Variants in PHLPP1 observed in about 807,000 individuals in gnomAD.
PHLPP1 encodes PH domain and leucine rich repeat protein phosphatase 1, also known as PH domain leucine-rich repeat-containing protein phosphatase 1.
Under a neutral mutation model 117.2 loss-of-function variants are expected in PHLPP1, and 42 were observed. The observed-to-expected ratio is 0.36, with a 90% CI of 0.28 to 0.46. PHLPP1 has a LOEUF of 0.46. PHLPP1 is among the 20% of genes least tolerant of loss of function. PHLPP1 has a pLI of 1.00. For synonymous variants in PHLPP1, 1,042 were observed against 970.7 expected (o/e 1.07, Z -1.37); for missense variants, 2,084 against 2,241.9 (o/e 0.93, Z 1.42).
chr18:62,973,859 G>A (rs1911120037), intron 15 of PHLPP1, among the ~76,000 whole-genome samples: 2 of 152,216 alleles, frequency 1.3e-5, no homozygotes, highest in Admixed American at 1.3e-4. Context: ...GATGTACAGT[G>A]AGGTGAAGCA....
At chr18:62,955,180 G>A (rs1910577205) in intron 12 of PHLPP1, among the ~76,000 whole-genome samples, 1 of 152,232 alleles carries the variant, frequency 6.6e-6, no homozygotes, top group South Asian at 2.1e-4. Context: ...AGAGAAGCAT[G>A]TGTTAAGGCA....
At chr18:62,722,222 TC>T (rs1910941644) in intron 1 of PHLPP1, among the ~76,000 whole-genome samples, 1 of 152,224 alleles carries the variant, frequency 6.6e-6, no homozygotes. Flanking sequence ...AACAGGTTTC[TC>T]CCAACTTTTC....
intron 4 of PHLPP1, among the ~76,000 whole-genome samples, chr18:62,888,341 T>G (rs1916335484): frequency 2.7e-5 from 4 of 149,346 alleles, no homozygotes; most frequent in East Asian, 2.0e-4. Flanking sequence ...GTGTATGTTT[T>G]TTTTTTCTTT....
chr18:62,770,805 A>G (rs1008635212), intron 1 of PHLPP1, among the ~76,000 whole-genome samples: 20 of 152,310 alleles, frequency 1.3e-4, no homozygotes, highest in African/African-American at 4.1e-4. Context: ...CCAAGTCTGA[A>G]CACAAAGTTC....
chr18:62,855,301 C>A (rs996088231), intron 3 of PHLPP1, among the ~76,000 whole-genome samples: 4 of 152,074 alleles, frequency 2.6e-5, no homozygotes, highest in African/African-American at 9.7e-5. Flanking sequence ...TTATTTCAGG[C>A]AGGATCTCAG....
chr18:62,744,389 C>T (rs143815036), intron 1 of PHLPP1, among the ~76,000 whole-genome samples: 151 of 152,342 alleles, frequency 9.9e-4, no homozygotes, highest in African/African-American at 3.4e-3. Flanking sequence ...CTCATGTTTT[C>T]TCCAAGCTGG....
chr18:62,794,503 G>A (rs1342731309), intron 1 of PHLPP1, among the ~76,000 whole-genome samples: 1 of 151,830 alleles, frequency 6.6e-6, no homozygotes, highest in African/African-American at 2.4e-5. Context: ...AAGTAGATGG[G>A]ACTACAGCTG....
chr18:62,799,707 G>C (rs2144298483), intron 1 of PHLPP1, among the ~76,000 whole-genome samples: 1 of 152,238 alleles, frequency 6.6e-6, no homozygotes, highest in Admixed American at 6.5e-5. Flanking sequence ...TACAGTGTGT[G>C]TTCTACAGCA....
At chr18:62,817,980 G>A (rs1599063148) in intron 1 of PHLPP1, among the ~76,000 whole-genome samples, 1 of 150,030 alleles carries the variant, frequency 6.7e-6, no homozygotes, top group African/African-American at 2.5e-5. Context: ...TCAGCCTCCC[G>A]AGTAGCTGGG....
chr18:62,855,326 G>C (rs745324559), intron 3 of PHLPP1, among the ~76,000 whole-genome samples: 2 of 152,184 alleles, frequency 1.3e-5, no homozygotes, highest in Non-Finnish European at 2.9e-5. Flanking sequence ...AATAGCTGCT[G>C]TGTAGGTGGG....
chr18:62,760,660 C>T (rs1912193526), intron 1 of PHLPP1, among the ~76,000 whole-genome samples: 1 of 152,160 alleles, frequency 6.6e-6, no homozygotes, highest in Admixed American at 6.5e-5. Flanking sequence ...CTTTAGTTTT[C>T]TTCCTCCACG....
chr18:62,716,499 G>A lies in PHLPP1; in HGVS notation c.816G>A (p.Ala272=). The change falls in exon 1 of 17, where the codon GCG becomes GCA. Residue 272 remains alanine (A), a synonymous_variant. Coordinates refer to ENST00000262719, the MANE Select transcript of PHLPP1 (RefSeq NM_194449.4). The surrounding 1 kb of genome is among the most constrained non-coding windows in gnomAD (Gnocchi z 5.7). The part of the protein sequence containing the change: ...EPPPEAGPRL[A]PPEPRDSEVP... ...CCCCCGAGGCCGGCCCCCGGCTGGC[G>A]CCCCCGGAGCCGCGGGACTCGGAGG... The A allele has an allele frequency of 8.3e-7, 1 of 1,203,646 alleles. No individual in the cohort carries two copies. Among genetic ancestry groups the A allele is most frequent in the Non-Finnish European group, 1.0e-6 (1 of 971,758 alleles). The allele number at this position is 1,203,646 out of a possible 1,614,324, so 74.6% of individuals were successfully genotyped here. A position where few individuals can be genotyped will look rare whatever the true frequency, so the allele number is the denominator to read the frequency against.
rs370462512 is a variant in PHLPP1 at position 62,941,768 on chromosome 18, C to A, written c.3011C>A (p.Ala1004Asp). ...SANKLESLPP[A>D]TLSEETNSIL... ...AACAAACTGGAAAGCCTTCCTCCAG[C>A]CACGCTTTCCGAAGAGACAAACAGT... The change falls in exon 11 of 17, where the codon GCC (alanine) becomes GAC (aspartate). Residue 1004 changes from alanine to aspartate, a missense_variant. Coordinates refer to ENST00000262719, the MANE Select transcript of PHLPP1 (RefSeq NM_194449.4). 2 of 1,613,806 alleles carry A rather than the reference C, an allele frequency of 1.2e-6. No homozygotes were observed. Among genetic ancestry groups the A allele is most frequent in the Non-Finnish European group, 8.5e-7 (1 of 1,179,722 alleles).
intron 10 of PHLPP1, among the ~76,000 whole-genome samples, chr18:62,934,333 G>C (rs908672498): frequency 6.6e-6 from 1 of 152,018 alleles, no homozygotes; most frequent in Non-Finnish European, 1.5e-5. Context: ...TGTACCCGTC[G>C]GTGGTGAATT....
At chr18:62,896,292 C>CT (rs1200268305) in intron 6 of PHLPP1, among the ~76,000 whole-genome samples, 2 of 98,760 alleles carry the variant, frequency 2.0e-5, no homozygotes, top group African/African-American at 6.9e-5. Context: ...TTTTGTTGTT[C>CT]TTGTTTTTTT....
chr18:62,904,625 A>T (rs1345057507), intron 7 of PHLPP1, among the ~76,000 whole-genome samples: 1 of 152,236 alleles, frequency 6.6e-6, no homozygotes, highest in Non-Finnish European at 1.5e-5. Context: ...TCAACTTACA[A>T]GCCCCTCACA....
chr18:62,943,882 A>G (rs986624139), intron 11 of PHLPP1, among the ~76,000 whole-genome samples: 2 of 152,216 alleles, frequency 1.3e-5, no homozygotes, highest in African/African-American at 4.8e-5. Context: ...TAGATGGATT[A>G]CTTCATAGTC....
At chr18:62,783,080 T>A (rs931768689) in intron 1 of PHLPP1, among the ~76,000 whole-genome samples, 1 of 149,294 alleles carries the variant, frequency 6.7e-6, no homozygotes, top group African/African-American at 2.5e-5. Flanking sequence ...TGCCAGAAGA[T>A]AGAAATGATA....
chr18:62,955,592 A>T (rs1910588604), intron 12 of PHLPP1, among the ~76,000 whole-genome samples: 1 of 152,138 alleles, frequency 6.6e-6, no homozygotes, highest in Non-Finnish European at 1.5e-5. Flanking sequence ...GGCAGAGGGG[A>T]GGCACAGGAA....
Sources: gnomAD v4.1 joint callset for allele counts (sites outside exome capture counted in the v4.1 genomes callset) on GRCh38, gnomAD v4.1.1 for gene constraint, Gnocchi (gnomAD v3.1) non-coding constraint, MANE v1.5 for transcripts, NCBI Gene and HGNC (gene_info 2026-07-23, HGNC 2026-07-21) for gene names.